TRPM3: variants seen among roughly 807,000 people sequenced by gnomAD.
The protein encoded by TRPM3 is transient receptor potential cation channel subfamily M member 3, also known as long transient receptor potential channel 3.
Under a neutral mutation model 181.2 loss-of-function variants are expected in TRPM3, and 77 were observed. The ratio of observed to expected loss-of-function variants is 0.42; its 90% CI spans 0.35 to 0.51. TRPM3 has a LOEUF of 0.51. TRPM3 is among the 20% of genes least tolerant of loss of function. The pLI is 0.01. For synonymous variants in TRPM3, 745 were observed against 796.4 expected, an observed-to-expected ratio of 0.94 and a Z score of 1.09; for missense variants, 1,759 against 2,196.7, an observed-to-expected ratio of 0.80 and a Z score of 3.98.
At chr9:71,116,527 C>A in intron 1 of TRPM3, among the ~76,000 whole-genome samples, 1 of 152,152 alleles carries the variant, frequency 6.6e-6, no homozygotes, top group Admixed American at 6.5e-5. Context: ...TACTTTGCTT[C>A]AGAGACAATA....
At chr9:70,551,099 C>T (rs1305002049) in intron 24 of TRPM3, among the ~76,000 whole-genome samples, 1 of 152,124 alleles carries the variant, frequency 6.6e-6, no homozygotes, top group African/African-American at 2.4e-5. Context: ...ATATGTAACG[C>T]CTTTTTAACA....
At chr9:70,995,301 G>A (rs1177428835) in intron 1 of TRPM3, among the ~76,000 whole-genome samples, 2 of 152,166 alleles carry the variant, frequency 1.3e-5, no homozygotes, top group African/African-American at 4.8e-5. Context: ...TCAAGAATAT[G>A]TTATAATCAG....
At chr9:70,687,663 A>G (rs993264913) in intron 8 of TRPM3, among the ~76,000 whole-genome samples, 1 of 152,176 alleles carries the variant, frequency 6.6e-6, no homozygotes, top group Non-Finnish European at 1.5e-5. Context: ...AAGAGAAGCA[A>G]AATCTTTCAA....
chr9:70,558,468 G>A (rs754874932), intron 22 of TRPM3, among the ~76,000 whole-genome samples: 21 of 152,114 alleles, frequency 1.4e-4, no homozygotes, highest in Non-Finnish European at 2.5e-4. Context: ...GGAGCAATGC[G>A]GGATGTAAAA....
intron 1 of TRPM3, among the ~76,000 whole-genome samples, chr9:70,946,952 G>A (rs1029672960): frequency 6.6e-6 from 1 of 152,162 alleles, no homozygotes; most frequent in African/African-American, 2.4e-5. Flanking sequence ...CACAATTTGT[G>A]TATCCATTCT....
In TRPM3 at chr9:70,865,048, G is replaced by A. The variant is rs1044894251; in HGVS notation, c.178-537C>T. The stretch of plus-strand genomic sequence containing the variant: ...AACAGTGCTAAGTACAGGGGGGTTG[G>A]GGGGGGGGAGGAAAATAAAAGCATG... On this transcript the variant is annotated intron_variant, in intron 1 of 25. Coordinates refer to ENST00000677713, the MANE Select transcript of TRPM3 (RefSeq NM_001366145.2). 4.8e-5 allele frequency among the ~76,000 whole-genome samples: 7 copies of A among 147,160 alleles called. No individual in the cohort carries two copies. In the South Asian group the frequency reaches 1.5e-3, roughly 32 times the overall value.
chr9:70,685,868 T>C (rs2066619341), intron 8 of TRPM3, among the ~76,000 whole-genome samples: 1 of 123,868 alleles, frequency 8.1e-6, no homozygotes, highest in African/African-American at 3.3e-5. Context: ...TTTAAAATTA[T>C]GTATCTCACA....
intron 1 of TRPM3, among the ~76,000 whole-genome samples, chr9:71,137,305 T>C (rs952637379): frequency 1.3e-5 from 2 of 152,232 alleles, no homozygotes; most frequent in Admixed American, 1.3e-4. Context: ...AAATGCATTA[T>C]TTTTTGTATA....
In TRPM3 at chr9:70,535,421, C is replaced by T. The variant is rs1171401754; in HGVS notation, c.*532G>A. 6.4e-7 allele frequency: 1 copy of T among 1,550,524 alleles called. No homozygotes were observed. The highest frequency in any genetic ancestry group is 8.7e-7 in the Non-Finnish European group (1 of 1,146,992). On this transcript the variant is annotated 3_prime_UTR_variant, in exon 26 of 26. Transcript: ENST00000677713. ...GTGGGACGTTAGGTAGAACTGCTTG[C>T]TGCCGGCTTATACTGAATAAAGAGG...
intron 1 of TRPM3, among the ~76,000 whole-genome samples, chr9:71,413,758 T>A (rs1035124242): frequency 6.6e-6 from 1 of 152,068 alleles, no homozygotes; most frequent in African/African-American, 2.4e-5. Context: ...AGACTTAGCA[T>A]TCAAGGTGCC....
intron 4 of TRPM3, among the ~76,000 whole-genome samples, chr9:70,844,759 T>C (rs1160294014): frequency 1.3e-5 from 2 of 152,244 alleles, no homozygotes; most frequent in African/African-American, 4.8e-5. Context: ...TCTTTTGATA[T>C]TGAATGCATT....
chr9:70,609,697 G>GTGTT (rs1449579983), intron 19 of TRPM3, among the ~76,000 whole-genome samples: 18 of 152,204 alleles, frequency 1.2e-4, no homozygotes, highest in African/African-American at 2.7e-4. Flanking sequence ...TCAATGTTAA[G>GTGTT]TGTTAGCACA....
At chr9:71,436,543 T>C (rs1437883708) in intron 1 of TRPM3, among the ~76,000 whole-genome samples, 2 of 152,042 alleles carry the variant, frequency 1.3e-5, no homozygotes, top group Non-Finnish European at 2.9e-5. Context: ...GACCTCTTGA[T>C]CTGCCCACCT....
chr9:71,096,768 C>A (rs1690733220), intron 1 of TRPM3, among the ~76,000 whole-genome samples: 1 of 152,040 alleles, frequency 6.6e-6, no homozygotes, highest in African/African-American at 2.4e-5. Context: ...ACTTCCACAT[C>A]CACTTAACAG....
Position 70,888,364 on chromosome 9 carries a change from T to G in TRPM3, c.178-23853A>C, listed in dbSNP as rs759339549. On this transcript the variant is annotated intron_variant, in intron 1 of 25. Transcript: ENST00000677713. ...TTTTGCTCTTGCTTTTATTTTGGGG[T>G]GTGTGTGTGTGTGTGTGTGTGTGTG... Among the ~76,000 whole-genome samples the G allele has an allele frequency of 6.8e-3, 605 of 88,484 alleles. 2 individuals are homozygous for G. The highest frequency in any genetic ancestry group is 0.011 in the Non-Finnish European group (470 of 41,584). 58.0% of individuals were successfully genotyped at this position (88,484 alleles called of 152,430 possible). A position where few individuals can be genotyped will look rare whatever the true frequency, so the allele number is the denominator to read the frequency against.
intron 1 of TRPM3, among the ~76,000 whole-genome samples, chr9:71,388,812 T>C (rs892432315): frequency 7.2e-5 from 11 of 152,126 alleles, no homozygotes; most frequent in Admixed American, 2.0e-4. Context: ...GAAATGCAGA[T>C]TTGCCATCCA....
chr9:70,980,098 G>A (rs1264373193), intron 1 of TRPM3, among the ~76,000 whole-genome samples: 1 of 10,696 alleles, frequency 9.3e-5, no homozygotes, highest in Non-Finnish European at 2.0e-4. Flanking sequence ...CACACACACG[G>A]AGTACACTAA....
intron 1 of TRPM3, among the ~76,000 whole-genome samples, chr9:71,322,646 A>G (rs1342627405): frequency 6.6e-6 from 1 of 152,118 alleles, no homozygotes; most frequent in East Asian, 1.9e-4. Context: ...TTATGGTGTC[A>G]ATAGAGACAA....
intron 6 of TRPM3, among the ~76,000 whole-genome samples, chr9:70,807,734 G>T (rs1195309436): frequency 6.6e-6 from 1 of 152,112 alleles, no homozygotes; most frequent in Non-Finnish European, 1.5e-5. Context: ...AGACTATGAA[G>T]GCTCCATTCT....
Sources: gnomAD v4.1 joint callset for allele counts (sites outside exome capture counted in the v4.1 genomes callset) on GRCh38, gnomAD v4.1.1 for gene constraint, MANE v1.5 for transcripts, NCBI Gene and HGNC (gene_info 2026-07-23, HGNC 2026-07-21) for gene names.